PDE4D: variants seen among roughly 807,000 people sequenced by gnomAD.
PDE4D encodes the protein 3',5'-cyclic-AMP phosphodiesterase 4D.
PDE4D carries 24 observed loss-of-function variants against 87.4 expected under a neutral mutation model. That is an observed-to-expected ratio of 0.27 (90% CI 0.20 to 0.39). PDE4D has a LOEUF of 0.39. Among genes scored for constraint, PDE4D ranks in the 10% least tolerant of loss-of-function variants. The probability of loss-of-function intolerance (pLI) is 1.00; values close to 1 mark genes in which losing one functional copy is unlikely to be tolerated. For synonymous variants in PDE4D, 384 were observed against 383.2 expected (o/e 1.00, Z -0.02); for missense variants, 714 against 1,041.0 (o/e 0.69, Z 4.32).
At chr5:60,045,623 C>G (rs1170750756) in intron 2 of PDE4D, among the ~76,000 whole-genome samples, 6 of 152,126 alleles carry the variant, frequency 3.9e-5, no homozygotes, top group African/African-American at 1.4e-4. Flanking sequence ...ATAGGGAATC[C>G]TCTCCCCATT....
At chr5:59,540,918 G>C (rs1188216496) in intron 1 of PDE4D, among the ~76,000 whole-genome samples, 3 of 152,056 alleles carry the variant, frequency 2.0e-5, no homozygotes, top group Non-Finnish European at 2.9e-5. Flanking sequence ...ATTGGGGCTT[G>C]GTGGTAGGAT....
At chr5:60,285,007 G>A (rs1333855041) in intron 1 of PDE4D, among the ~76,000 whole-genome samples, 1 of 151,934 alleles carries the variant, frequency 6.6e-6, no homozygotes, top group Non-Finnish European at 1.5e-5. Flanking sequence ...GTGTTTCTTT[G>A]TAATTGAGAA....
At chr5:60,388,405 AAT>A (rs1491237066) in intron 1 of PDE4D, among the ~76,000 whole-genome samples, 6 of 146,564 alleles carry the variant, frequency 4.1e-5, no homozygotes, top group South Asian at 2.2e-4. Flanking sequence ...CTAAAAAAAA[AAT>A]GGGATAAATA....
chr5:59,166,644 T>C (rs1345021440), intron 5 of PDE4D, among the ~76,000 whole-genome samples: 2 of 152,240 alleles, frequency 1.3e-5, no homozygotes, highest in African/African-American at 2.4e-5. Flanking sequence ...TAAAAGTCCA[T>C]GTGATACTTC....
intron 1 of PDE4D, among the ~76,000 whole-genome samples, chr5:59,438,858 A>G (rs2153635085): frequency 6.6e-6 from 1 of 152,358 alleles, no homozygotes; most frequent in Middle Eastern, 3.4e-3. Context: ...CATCTAGAAA[A>G]GAAACAAAAG....
At chr5:59,385,337 C>A (rs1439978236) in intron 1 of PDE4D, among the ~76,000 whole-genome samples, 1 of 152,102 alleles carries the variant, frequency 6.6e-6, no homozygotes. Flanking sequence ...TTTTTTGGAT[C>A]TTGCATCACT....
chr5:60,047,570 T>C (rs1240281137), intron 2 of PDE4D, among the ~76,000 whole-genome samples: 1 of 152,176 alleles, frequency 6.6e-6, no homozygotes, highest in Non-Finnish European at 1.5e-5. Flanking sequence ...ATGCTGTGTC[T>C]TTGTTCTCAT....
At chr5:58,990,147 C>A (rs535060196) in intron 9 of PDE4D, among the ~76,000 whole-genome samples, 2 of 152,214 alleles carry the variant, frequency 1.3e-5, no homozygotes, top group East Asian at 3.9e-4. Flanking sequence ...GAATACTACG[C>A]CCTAGCTGTA....
chr5:59,088,090 A>G (rs189595848), intron 5 of PDE4D, among the ~76,000 whole-genome samples: 2,950 of 151,876 alleles, frequency 0.019, 43 homozygotes, highest in Middle Eastern at 0.044. Flanking sequence ...TAGATGGATG[A>G]CCTTTATTTA....
At chr5:59,420,321 G>T (rs1286340620) in intron 1 of PDE4D, among the ~76,000 whole-genome samples, 2 of 152,108 alleles carry the variant, frequency 1.3e-5, no homozygotes, top group Non-Finnish European at 2.9e-5. Context: ...AAGTAAAAAT[G>T]GCAATTTACC....
In PDE4D at chr5:59,287,005, G is replaced by A. The variant is rs542693045; in HGVS notation, c.456-71037C>T. Among the ~76,000 whole-genome samples the A allele has an allele frequency of 7.9e-5, 12 of 152,168 alleles. No homozygotes were observed. In the East Asian group the frequency reaches 2.1e-3, roughly 27 times the overall value. Reference sequence around the variant, plus strand: ...CAGCCTCCCAAAGGAACAACAAATTGAACAACTCTCCACACAAAAAAGCAC... The same window carrying A: ...CAGCCTCCCAAAGGAACAACAAATTAAACAACTCTCCACACAAAAAAGCAC... On this transcript the variant is annotated intron_variant, in intron 1 of 14. Transcript: ENST00000340635.
intron 1 of PDE4D, chr5:59,314,926 C>G (rs1773400023): frequency 6.6e-6 from 1 of 152,070 alleles, no homozygotes; most frequent in Non-Finnish European, 1.5e-5. Context: ...AGGGAGGATC[C>G]CTGGAGAATC....
At chr5:59,784,888 G>A (rs1765005732) in intron 1 of PDE4D, among the ~76,000 whole-genome samples, 1 of 151,790 alleles carries the variant, frequency 6.6e-6, no homozygotes, top group African/African-American at 2.4e-5. Context: ...GCTTTATAAG[G>A]GGAAACCCCT....
intron 1 of PDE4D, among the ~76,000 whole-genome samples, chr5:59,426,035 T>A (rs1237667710): frequency 6.6e-6 from 1 of 152,112 alleles, no homozygotes; most frequent in Non-Finnish European, 1.5e-5. Context: ...CTGACTGATG[T>A]CCTTATAAAA....
Position 60,337,382 on chromosome 5 carries a change from T to TACACAC in PDE4D, c.-90+150559_-90+150560insGTGTGT, listed in dbSNP as rs1184568544. The stretch of plus-strand genomic sequence containing the variant: ...ATATATATATATATATATATATATA[T>TACACAC]ATATATACACACACACACACACACA... On this transcript the variant is annotated intron_variant, in intron 1 of 16. Transcript: ENST00000502484. Among the ~76,000 whole-genome samples, 543 of 116,482 alleles carry TACACAC rather than the reference T, an allele frequency of 4.7e-3. 4 individuals are homozygous for TACACAC. Among genetic ancestry groups the TACACAC allele is most frequent in the African/African-American group, 0.019 (498 of 25,880 alleles). 76.4% of individuals were successfully genotyped at this position (116,482 alleles called of 152,430 possible).
intron 1 of PDE4D, among the ~76,000 whole-genome samples, chr5:60,281,246 G>A (rs1751870448): frequency 6.6e-6 from 1 of 152,096 alleles, no homozygotes; most frequent in East Asian, 1.9e-4. Flanking sequence ...TTCCCTGTTA[G>A]ATACTTTCTC....
intron 1 of PDE4D, among the ~76,000 whole-genome samples, chr5:59,227,695 A>T (rs1754125916): frequency 6.6e-6 from 1 of 152,220 alleles, no homozygotes; most frequent in East Asian, 1.9e-4. Flanking sequence ...CCACAGTGAG[A>T]TACCATTTCA....
intron 1 of PDE4D, among the ~76,000 whole-genome samples, chr5:60,431,855 G>A (rs911329355): frequency 2.2e-4 from 33 of 152,342 alleles, no homozygotes; most frequent in Admixed American, 4.6e-4. Flanking sequence ...CAGATCACTC[G>A]CGGTTAGGAG....
chr5:59,810,372 G>C (rs1768214985), intron 1 of PDE4D, among the ~76,000 whole-genome samples: 2 of 152,140 alleles, frequency 1.3e-5, no homozygotes, highest in African/African-American at 4.8e-5. Context: ...CCATTTTTAC[G>C]TATTTGAATT....
Sources: allele counts gnomAD v4.1 joint callset (sites outside exome capture counted in the v4.1 genomes callset), GRCh38; gene constraint gnomAD v4.1.1; transcripts MANE v1.5; gene names NCBI Gene and HGNC (gene_info 2026-07-23, HGNC 2026-07-21).